Variants in SPAG8 observed in about 807,000 individuals in gnomAD.
SPAG8 encodes sperm-associated antigen 8.
In SPAG8, 36 loss-of-function variants were observed where a neutral mutation model predicts 45.3. The observed-to-expected ratio is 0.80, with a 90% CI of 0.61 to 1.05. The LOEUF is 1.05. Among genes scored for constraint, SPAG8 ranks in the 50% least tolerant of loss-of-function variants. SPAG8 has a pLI of 0.00. For missense variants in SPAG8, 573 were observed against 609.2 expected (o/e 0.94, Z 0.63); for synonymous variants, 227 against 232.6 (o/e 0.98, Z 0.22).
Position 35,810,608 on chromosome 9 carries a change from T to G in SPAG8, c.1085+29A>C, listed in dbSNP as rs762134567. 3 of 1,613,790 alleles carry G rather than the reference T, an allele frequency of 1.9e-6. No individual in the cohort carries two copies. The East Asian group carries it at 6.7e-5, about 36-fold the overall frequency. ...TCTCACCCAATTTTTCTCCTCCCCA[T>G]CCCTCTTCCCCTTTACCCAATCCCT... On this transcript the variant is annotated intron_variant, in intron 4 of 6. Coordinates refer to ENST00000396638, the MANE Select transcript of SPAG8 (RefSeq NM_001039592.2).
chr9:35,809,745 G>A, downstream of SPAG8: 3 of 1,421,768 alleles, frequency 2.1e-6, no homozygotes, highest in African/African-American at 1.4e-5. The surrounding 1 kb of genome is among the most constrained non-coding windows in gnomAD (Gnocchi z 4.1). Context: ...TGTGGGATAG[G>A]GGCAATCCCA....
downstream of SPAG8, chr9:35,808,267 T>A (rs1588071863): frequency 1.9e-6 from 3 of 1,614,142 alleles, no homozygotes; most frequent in African/African-American, 4.0e-5. The surrounding 1 kb of genome is among the most constrained non-coding windows in gnomAD (Gnocchi z 4.0). Flanking sequence ...GACAGGGTGT[T>A]CATTCATTCC....
chr9:35,809,505 C>T, downstream of SPAG8: 1 of 1,613,778 alleles, frequency 6.2e-7, no homozygotes, highest in Middle Eastern at 1.6e-4. This position sits in a 1 kb window ranked among gnomAD's most constrained non-coding sequence, Gnocchi z 4.1. Context: ...GGGCAATGGC[C>T]ACCATGTCTG....
rs755354646 is a variant in SPAG8 at position 35,811,591 on chromosome 9, C to T, written c.455G>A (p.Gly152Asp). 1.9e-6 allele frequency: 3 copies of T among 1,613,950 alleles called. No individual in the cohort carries two copies. In the South Asian group the frequency reaches 3.3e-5, roughly 18 times the overall value. Reference sequence around the variant, plus strand: ...GCCAGAGCCAGAGCCATGGCCAGCACCTGAGCTGGAACCAAGAACAGGCCC... The same window carrying T: ...GCCAGAGCCAGAGCCATGGCCAGCATCTGAGCTGGAACCAAGAACAGGCCC... ...SSGPVLGSSS[G>D]AGHGSGSGSG... Residue 152 changes from glycine (G) to aspartate (D), a missense_variant, in exon 2 of 7, where the codon GGT becomes GAT. By Grantham distance (94) the Gly-to-Asp change is moderately conservative. Transcript: ENST00000396638.
At chr9:35,808,387 T>C (rs185890146), downstream of SPAG8, 4 of 1,400,014 alleles carry the variant, frequency 2.9e-6, no homozygotes, top group African/African-American at 5.7e-5. This position sits in a 1 kb window ranked among gnomAD's most constrained non-coding sequence, Gnocchi z 4.0. Flanking sequence ...TATTTTCTAG[T>C]CAATATTCTG....
At chr9:35,808,958 AG>A (rs1588073937), downstream of SPAG8, 2 of 944,680 alleles carry the variant, frequency 2.1e-6, no homozygotes, top group East Asian at 4.8e-5. This position sits in a 1 kb window ranked among gnomAD's most constrained non-coding sequence, Gnocchi z 4.0. Flanking sequence ...ACAGTTCCTT[AG>A]TGTCGCATCC....
Position 35,811,221 on chromosome 9 carries a change from CAA to C in SPAG8, c.823_824del (p.Leu275AlafsTer30), listed in dbSNP as rs1563997722. 1 of 1,589,426 alleles carries C rather than the reference CAA, an allele frequency of 6.3e-7. No homozygotes were observed. The highest frequency in any genetic ancestry group is 1.4e-5 in the African/African-American group (1 of 74,030). ...KGKLMVCYET[L>X]PRGQCLLYNW... ...TGTAGAGGAGGCACTGGCCCCGCGGCAAAGTTTCATAGCAAACCATAAGCTTC... is the reference window on the plus strand; with the variant it reads ...TGTAGAGGAGGCACTGGCCCCGCGGCAGTTTCATAGCAAACCATAAGCTTC... On this transcript the variant is annotated frameshift_variant, in exon 2 of 7. Coordinates refer to ENST00000396638, the MANE Select transcript of SPAG8 (RefSeq NM_001039592.2). LOFTEE classifies it high-confidence loss of function.
At position 35,812,193 on chromosome 9, in the gene SPAG8, C is replaced by G. The variant is rs374403759; in HGVS notation, c.-46G>C. 87 of 1,592,400 alleles carry G rather than the reference C, an allele frequency of 5.5e-5. No homozygotes were observed. The African/African-American group carries it at 1.0e-3, about 18-fold the overall frequency. ...GTTGCCATAGAGACAGCAAACAACT[C>G]CTGGAGCCTGCGCAGAAGTACAGCT... On this transcript the variant is annotated 5_prime_UTR_variant, in exon 1 of 7. Coordinates refer to ENST00000396638, the MANE Select transcript of SPAG8 (RefSeq NM_001039592.2).
Position 35,809,906 on chromosome 9 carries a change from C to T in SPAG8, c.*32G>A. 1.9e-6 allele frequency: 3 copies of T among 1,543,888 alleles called. No homozygotes were observed. Among genetic ancestry groups the T allele is most frequent in the Non-Finnish European group, 2.6e-6 (3 of 1,150,198 alleles). ...CTCTAGTGCAGACAGAAATAGATTC[C>T]ATATTCCATACCCCACTTCCCTCCT... is the stretch of plus-strand genomic sequence containing the variant. On this transcript the variant is annotated 3_prime_UTR_variant, in exon 7 of 7. Transcript: ENST00000396638. This position sits in a 1 kb window ranked among gnomAD's most constrained non-coding sequence, Gnocchi z 4.1.
Position 35,810,843 on chromosome 9 carries a change from G to A in SPAG8, c.1039+40C>T, listed in dbSNP as rs753462285. ...AATTCCTTCCTCTTCTTCCCTCTGA[G>A]TAATGGGCTCGTTCTGGCCTACCCT... On this transcript the variant is annotated intron_variant, in intron 3 of 6. Coordinates refer to ENST00000396638, the MANE Select transcript of SPAG8 (RefSeq NM_001039592.2). The A allele has an allele frequency of 3.7e-6, 6 of 1,602,816 alleles. No individual in the cohort carries two copies. In the East Asian group the frequency reaches 6.7e-5, roughly 18 times the overall value.
chr9:35,811,946 G>C lies in SPAG8; in HGVS notation c.100C>G (p.Pro34Ala). 1.9e-6 allele frequency: 3 copies of C among 1,602,514 alleles called. No homozygotes were observed. The highest frequency in any genetic ancestry group is 2.6e-6 in the Non-Finnish European group (3 of 1,171,732). The stretch of plus-strand genomic sequence containing the variant: ...GACCTGGGACTGTCATCTGAAGAAG[G>C]AAACGGTTCCGAAGTGGGCCCCAGT... ...EGLGPTSEPF[P>A]SSDDSPRSAL... The change falls in exon 2 of 7, where the codon CCT (proline) becomes GCT (alanine). Residue 34 changes from proline (P) to alanine (A), a missense_variant. Transcript: ENST00000396638.
Position 35,810,066 on chromosome 9 carries a change from G to A in SPAG8, c.1330C>T (p.Pro444Ser). ...GGCAAAAGTTTCCCCAGAGACAAGG[G>A]TACTGGTGTTGAGAAGCTGCAGTTC... ...RKNCSFSTPV[P>S]LSLGKLLPYE... The change falls in exon 7 of 7, where the codon CCC becomes TCC. Residue 444 changes from proline to serine, a missense_variant. Transcript: ENST00000396638. 6.2e-7 allele frequency: 1 copy of A among 1,613,750 alleles called. No individual in the cohort carries two copies. Among genetic ancestry groups the A allele is most frequent in the Non-Finnish European group, 8.5e-7 (1 of 1,179,774 alleles).
downstream of SPAG8, chr9:35,809,638 G>A (rs1563995400): frequency 3.6e-6 from 4 of 1,115,366 alleles, no homozygotes; most frequent in South Asian, 5.0e-5. This position sits in a 1 kb window ranked among gnomAD's most constrained non-coding sequence, Gnocchi z 4.1. Context: ...TCTCTGGCTT[G>A]GTCCCCTTCC....
chr9:35,808,995 T>C (rs1337896087), downstream of SPAG8: 4 of 933,756 alleles, frequency 4.3e-6, no homozygotes, highest in Non-Finnish European at 7.1e-6. This position sits in a 1 kb window ranked among gnomAD's most constrained non-coding sequence, Gnocchi z 4.0. Flanking sequence ...TTCTAATAGA[T>C]ATGCATTGGG....
chr9:35,809,882 T>A lies in SPAG8; in HGVS notation c.*56A>T, dbSNP rs1828677585. ...TGAGAATTAACTTCCTCCCGACCTC[T>A]CTAGTGCAGACAGAAATAGATTCCA... is the stretch of plus-strand genomic sequence containing the variant. On this transcript the variant is annotated 3_prime_UTR_variant, in exon 7 of 7. Transcript: ENST00000396638. The surrounding 1 kb of genome is among the most constrained non-coding windows in gnomAD (Gnocchi z 4.1). 6.5e-7 allele frequency: 1 copy of A among 1,538,900 alleles called. No individual in the cohort carries two copies. The highest frequency in any genetic ancestry group is 8.7e-7 in the Non-Finnish European group (1 of 1,147,732).
chr9:35,810,031 A>G lies in SPAG8; in HGVS notation c.1365T>C (p.Pro455=). ...LSLGKLLPYE[P]ENYPYQLGEI... is the part of the protein sequence containing the mutation. The stretch of plus-strand genomic sequence containing the variant: ...CTCCCAATTGGTAGGGGTAATTCTC[A>G]GGTTCATAGGGCAAAAGTTTCCCCA... Residue 455 remains proline (P), a synonymous_variant, in exon 7 of 7, where the codon CCT becomes CCC. Coordinates refer to ENST00000396638, the MANE Select transcript of SPAG8 (RefSeq NM_001039592.2). 2 of 1,613,768 alleles carry G rather than the reference A, an allele frequency of 1.2e-6. No homozygotes were observed. The highest frequency in any genetic ancestry group is 8.5e-7 in the Non-Finnish European group (1 of 1,179,804).
In SPAG8 at chr9:35,812,091, C is replaced by G. The variant is rs369016640; in HGVS notation, c.44+13G>C. On this transcript the variant is annotated intron_variant, in intron 1 of 6. Transcript: ENST00000396638. ...CGTCCCCTTATGCCTGCAGCCAGAG[C>G]TGCGGCTCTCACCGCGACCGCGACC... 43 of 1,611,708 alleles carry G rather than the reference C, an allele frequency of 2.7e-5. No homozygotes were observed. The highest frequency in any genetic ancestry group is 3.5e-5 in the Non-Finnish European group (41 of 1,179,984).
chr9:35,812,250 T>A lies in SPAG8; in HGVS notation c.-103A>T. The A allele has an allele frequency of 7.5e-7, 1 of 1,332,170 alleles. No homozygotes were observed. The highest frequency in any genetic ancestry group is 1.0e-6 in the Non-Finnish European group (1 of 959,022). 82.5% of individuals were successfully genotyped at this position (1,332,170 alleles called of 1,614,324 possible). On this transcript the variant is annotated 5_prime_UTR_variant, in exon 1 of 7. Transcript: ENST00000396638. ...ACTTGCAGGTGGCGGTGGAGGCAAG[T>A]CCTCTGCGGGGCGGAAGTCTTCAGC...
downstream of SPAG8, chr9:35,808,114 T>A: frequency 7.9e-7 from 1 of 1,268,686 alleles, no homozygotes; most frequent in Non-Finnish European, 1.2e-6. This position sits in a 1 kb window ranked among gnomAD's most constrained non-coding sequence, Gnocchi z 4.0. Flanking sequence ...AATGCCTGCT[T>A]TCCTCCTCTC....
Sources: allele counts gnomAD v4.1 joint callset, GRCh38; gene constraint gnomAD v4.1.1; non-coding constraint Gnocchi (gnomAD v3.1); transcripts MANE v1.5; gene names NCBI Gene and HGNC (gene_info 2026-07-23, HGNC 2026-07-21).